The following UBAP1 variants were observed in gnomAD, a reference collection of about 807,000 sequenced individuals.
UBAP1 encodes ubiquitin-associated protein 1.
In UBAP1, 5 loss-of-function variants were observed where a neutral mutation model predicts 39.0. The observed-to-expected ratio is 0.13, with a 90% CI of 0.07 to 0.27. The LOEUF (loss-of-function observed/expected upper bound fraction) is 0.27, where lower values mean the gene tolerates loss of function less well. UBAP1 is among the 10% of genes least tolerant of loss of function. The pLI is 1.00. For synonymous variants in UBAP1, 211 were observed against 225.1 expected (o/e 0.94, Z 0.56); for missense variants, 490 against 608.1 (o/e 0.81, Z 2.04).
chr9:34,235,896 G>A (rs553473182), intron 3 of UBAP1, among the ~76,000 whole-genome samples: 2 of 149,954 alleles, frequency 1.3e-5, no homozygotes, highest in Non-Finnish European at 3.0e-5. Flanking sequence ...GCAATGGCGC[G>A]ATCTCGTCAA....
At chr9:34,208,638 C>T (rs10971995) in intron 1 of UBAP1, among the ~76,000 whole-genome samples, 49,214 of 151,652 alleles carry the variant, frequency 0.32, 9,788 homozygotes, top group Non-Finnish European at 0.45. Flanking sequence ...ATTAGCCGGA[C>T]GTGGTGGCGG....
At chr9:34,213,528 A>C (rs1015848790) in intron 1 of UBAP1, among the ~76,000 whole-genome samples, 3 of 152,030 alleles carry the variant, frequency 2.0e-5, no homozygotes, top group Admixed American at 1.3e-4. Flanking sequence ...AAAACAAAAA[A>C]ACCCAACCAT....
At chr9:34,182,628 T>TTTCC (rs1830115864) in intron 1 of UBAP1, among the ~76,000 whole-genome samples, 1 of 47,328 alleles carries the variant, frequency 2.1e-5, no homozygotes, top group South Asian at 1.1e-3. Flanking sequence ...TCTTTCTTTC[T>TTTCC]TTCTTTCTTT....
At position 34,241,473 on chromosome 9, in the gene UBAP1, A is replaced by G. The variant is rs768272492; in HGVS notation, c.448A>G (p.Ile150Val). 9 of 1,613,530 alleles carry G rather than the reference A, an allele frequency of 5.6e-6. No individual in the cohort carries two copies. The highest frequency in any genetic ancestry group is 7.6e-6 in the Non-Finnish European group (9 of 1,179,710). ...TKQKVLSPPH[I>V]KADFNLADFE... ...ACAGAAAGTTCTCAGCCCACCTCAC[A>G]TAAAGGCGGATTTCAATCTTGCTGA... The change falls in exon 4 of 7, where the codon ATA becomes GTA. Residue 150 changes from isoleucine (I) to valine (V), a missense_variant. Around this residue, in one of 3 missense-constraint regions of UBAP1, gnomAD observed 144 missense variants for 184.4 expected, o/e 0.78. Transcript: ENST00000297661.
intron 1 of UBAP1, among the ~76,000 whole-genome samples, chr9:34,196,292 A>G (rs1831049359): frequency 6.9e-6 from 1 of 145,210 alleles, no homozygotes; most frequent in South Asian, 2.2e-4. Flanking sequence ...GGTGTGTGCC[A>G]CTAAGCTTGG....
intron 1 of UBAP1, among the ~76,000 whole-genome samples, chr9:34,197,413 A>T (rs1423826820): frequency 6.6e-6 from 1 of 152,018 alleles, no homozygotes; most frequent in Non-Finnish European, 1.5e-5. Flanking sequence ...AAGTGCTGGG[A>T]TTACAAGTGA....
rs147102118 is a variant in UBAP1, at chr9:34,235,984, C to A, written c.159+1644C>A. Among the ~76,000 whole-genome samples, 563 of 152,150 alleles carry A rather than the reference C, an allele frequency of 3.7e-3. 3 individuals are homozygous for A. Among genetic ancestry groups the A allele is most frequent in the African/African-American group, 0.013 (548 of 41,506 alleles). On this transcript the variant is annotated intron_variant, in intron 3 of 6. Transcript: ENST00000297661. ...CAAGCAATTCTCCTGCCTCAGCCTT[C>A]TAAGTAGCTGGGATTACAGGTGTGC...
At chr9:34,212,907 C>G (rs1453516275) in intron 1 of UBAP1, among the ~76,000 whole-genome samples, 1 of 152,122 alleles carries the variant, frequency 6.6e-6, no homozygotes, top group Admixed American at 6.6e-5. Flanking sequence ...AAAAAGAAAA[C>G]TACAGACTAA....
At position 34,241,655 on chromosome 9, in the gene UBAP1, G is replaced by A; in HGVS notation, c.630G>A (p.Gln210=). The change falls in exon 4 of 7, where the codon CAG becomes CAA. Residue 210 remains glutamine, a synonymous_variant. Coordinates refer to ENST00000297661, the MANE Select transcript of UBAP1 (RefSeq NM_016525.5). ...LPRGGSGSVL[Q]DEEVLASLER... ...GGGGAGGCTCTGGGTCTGTGTTACA[G>A]GATGAGGAGGTCCTGGCATCCTTGG... is the stretch of plus-strand genomic sequence containing the variant. 6.2e-7 allele frequency: 1 copy of A among 1,614,094 alleles called. No homozygotes were observed. The highest frequency in any genetic ancestry group is 1.1e-5 in the South Asian group (1 of 91,076).
At chr9:34,213,858 G>A (rs1832150208) in intron 1 of UBAP1, among the ~76,000 whole-genome samples, 1 of 151,598 alleles carries the variant, frequency 6.6e-6, no homozygotes, top group Non-Finnish European at 1.5e-5. Flanking sequence ...CAAATCAGAA[G>A]CTCTTCTATA....
chr9:34,240,986 T>A (rs1833925813), intron 3 of UBAP1, among the ~76,000 whole-genome samples, 199 bp from the exon 4 acceptor site: 1 of 152,226 alleles, frequency 6.6e-6, no homozygotes, highest in Admixed American at 6.5e-5. Context: ...CACAAGAGGC[T>A]TGTGGGAACA....
chr9:34,190,633 C>CTTT (rs563281159), intron 1 of UBAP1, among the ~76,000 whole-genome samples: 1 of 129,492 alleles, frequency 7.7e-6, no homozygotes. Context: ...TTCTTTCTTT[C>CTTT]TTTTTTTTTT....
intron 1 of UBAP1, among the ~76,000 whole-genome samples, chr9:34,219,115 A>T (rs1281904446): frequency 6.6e-6 from 1 of 151,566 alleles, no homozygotes; most frequent in Non-Finnish European, 1.5e-5. Context: ...TGGTAACAGG[A>T]TCTTGCTGTG....
At chr9:34,199,100 G>C (rs1831218531) in intron 1 of UBAP1, among the ~76,000 whole-genome samples, 1 of 152,100 alleles carries the variant, frequency 6.6e-6, no homozygotes, top group South Asian at 2.1e-4. Context: ...TTGAGACGGA[G>C]CCTCGCTCTG....
chr9:34,215,155 A>C (rs984492299), intron 1 of UBAP1, among the ~76,000 whole-genome samples: 3 of 152,162 alleles, frequency 2.0e-5, no homozygotes, highest in Admixed American at 6.6e-5. Context: ...AAGTCATTTG[A>C]AAAAGATGCT....
chr9:34,233,973 G>A (rs540147517), intron 2 of UBAP1, among the ~76,000 whole-genome samples: 15 of 152,134 alleles, frequency 9.9e-5, no homozygotes, highest in Non-Finnish European at 2.2e-4. Flanking sequence ...GGCTGTGGGT[G>A]ATGTGAGTAC....
intron 1 of UBAP1, among the ~76,000 whole-genome samples, chr9:34,195,595 TTTC>T (rs1177119783): frequency 1.3e-5 from 2 of 151,916 alleles, no homozygotes; most frequent in Admixed American, 6.6e-5. Flanking sequence ...CCTTTGGATT[TTTC>T]TTTTTTTTTT....
At position 34,226,873 on chromosome 9, in the gene UBAP1, T is replaced by C. The variant is rs1030666680; in HGVS notation, c.34+5925T>C. Among the ~76,000 whole-genome samples, 7 of 152,220 alleles carry C rather than the reference T, an allele frequency of 4.6e-5. No homozygotes were observed. The East Asian group carries it at 1.3e-3, about 29-fold the overall frequency. On this transcript the variant is annotated intron_variant, in intron 2 of 6. Coordinates refer to ENST00000297661, the MANE Select transcript of UBAP1 (RefSeq NM_016525.5). Reference sequence around the variant, plus strand: ...AAATTTTTCTTTTCTGATAATGCATTTTTCACTTGTGGCATTTCCATTTGT... The same window carrying C: ...AAATTTTTCTTTTCTGATAATGCATCTTTCACTTGTGGCATTTCCATTTGT...
Position 34,241,345 on chromosome 9 carries a change from C to G in UBAP1, c.320C>G (p.Thr107Ser), listed in dbSNP as rs1271702139. ...EGDSKMSFSKTHSTATMPPPI... is the reference protein window; with the variant it reads ...EGDSKMSFSKSHSTATMPPPI... ...GATAGCAAAATGAGCTTCTCCAAGA[C>G]TCACAGTACAGCCACAATGCCACCT... Residue 107 changes from threonine (T) to serine (S), a missense_variant, in exon 4 of 7, where the codon ACT becomes AGT. Around this residue, in one of 3 missense-constraint regions of UBAP1, gnomAD observed 144 missense variants for 184.4 expected, o/e 0.78. Transcript: ENST00000297661. 6.5e-7 allele frequency: 1 copy of G among 1,527,132 alleles called. No homozygotes were observed. The highest frequency in any genetic ancestry group is 1.3e-5 in the South Asian group (1 of 76,514). 94.6% of individuals were successfully genotyped at this position (1,527,132 alleles called of 1,614,324 possible).
Sources: allele counts gnomAD v4.1 joint callset (sites outside exome capture counted in the v4.1 genomes callset), GRCh38; gene constraint gnomAD v4.1.1; regional missense constraint gnomAD v4.1.1; transcripts MANE v1.5; gene names NCBI Gene and HGNC (gene_info 2026-07-23, HGNC 2026-07-21).